The following RNF125 variants were observed in gnomAD, a reference collection of about 807,000 sequenced individuals.
RNF125 encodes the protein ring finger protein 125, also known as E3 ubiquitin-protein ligase RNF125.
RNF125 carries 21 observed loss-of-function variants against 26.0 expected under a neutral mutation model. That is an observed-to-expected ratio of 0.81 (90% CI 0.57 to 1.16). The LOEUF (loss-of-function observed/expected upper bound fraction) is 1.16. RNF125 is among the 50% of genes most tolerant of loss of function. The probability of loss-of-function intolerance (pLI) is 0.00; values close to 1 mark genes in which losing one functional copy is unlikely to be tolerated. For synonymous variants in RNF125, 95 were observed against 109.2 expected (o/e 0.87, Z 0.81); for missense variants, 270 against 299.4 (o/e 0.90, Z 0.72).
At chr18:32,087,328 A>C in the RNF125 span, among the ~76,000 whole-genome samples, 1 of 151,344 alleles carries the variant, frequency 6.6e-6, no homozygotes, top group Non-Finnish European at 1.5e-5. Flanking sequence ...TGCTCCAGCA[A>C]ATTAATGAAA....
At chr18:32,027,366 C>G (rs2039047138) in intron 1 of RNF125, among the ~76,000 whole-genome samples, 1 of 151,818 alleles carries the variant, frequency 6.6e-6, no homozygotes, top group African/African-American at 2.4e-5. Flanking sequence ...AACCTGTATT[C>G]CTTTTGTATC....
intron 4 of RNF125, among the ~76,000 whole-genome samples, chr18:32,050,866 T>G (rs1023224045): frequency 4.7e-5 from 1 of 21,282 alleles, no homozygotes; most frequent in African/African-American, 3.1e-4. Flanking sequence ...TCTAGAGTGC[T>G]TTTTTTTTTT....
chr18:32,026,280 G>C (rs2039035096), intron 1 of RNF125, among the ~76,000 whole-genome samples: 1 of 101,962 alleles, frequency 9.8e-6, no homozygotes, highest in Non-Finnish European at 1.8e-5. Context: ...ATGTAGTCTT[G>C]CTCTGTCGTC....
At chr18:32,033,760 G>A (rs963037243) in intron 1 of RNF125, among the ~76,000 whole-genome samples, 4 of 139,588 alleles carry the variant, frequency 2.9e-5, no homozygotes, top group Admixed American at 2.1e-4. Flanking sequence ...TGGAGGTCGC[G>A]GTGAGTCAAG....
rs1389417184 is a variant in RNF125 at position 32,072,947 on chromosome 18, G to C, written c.*4563G>C. On this transcript the variant is annotated 3_prime_UTR_variant, in exon 6 of 6. Transcript: ENST00000217740. ...ATGTTTAATTTCATTACTGTTACTG[G>C]GTGCCAAGTGTCTTTCATTTGGAAG... is the stretch of plus-strand genomic sequence containing the variant. 1 of 152,058 alleles carries C rather than the reference G, an allele frequency of 6.6e-6. No individual in the cohort carries two copies. Among genetic ancestry groups the C allele is most frequent in the Non-Finnish European group, 1.5e-5 (1 of 68,026 alleles). The allele number at this position is 152,058 out of a possible 1,614,324, so 9.4% of individuals were successfully genotyped here. A position where few individuals can be genotyped will look rare whatever the true frequency, so the allele number is the denominator to read the frequency against.
At chr18:32,088,851 A>T in the RNF125 span, among the ~76,000 whole-genome samples, 2 of 152,094 alleles carry the variant, frequency 1.3e-5, no homozygotes, top group African/African-American at 4.8e-5. Context: ...CAAGGGGAAA[A>T]GTCCATTCCT....
intron 4 of RNF125, among the ~76,000 whole-genome samples, chr18:32,048,819 G>A (rs992063706): frequency 6.6e-6 from 1 of 152,162 alleles, no homozygotes; most frequent in African/African-American, 2.4e-5. Flanking sequence ...GGAGGAACTG[G>A]GCTAGGGAGT....
chr18:32,033,054 G>A (rs1791875206), intron 1 of RNF125, among the ~76,000 whole-genome samples: 1 of 152,142 alleles, frequency 6.6e-6, no homozygotes, highest in South Asian at 2.1e-4. Flanking sequence ...TTGAACCACT[G>A]CTCTTTTGAG....
downstream of RNF125, among the ~76,000 whole-genome samples, chr18:32,073,812 C>G (rs772985614): frequency 2.6e-5 from 4 of 152,188 alleles, no homozygotes; most frequent in African/African-American, 4.8e-5. Context: ...GAACCCAGAT[C>G]AGTTGAGAAG....
At chr18:32,064,275 G>A (rs1476964398) in intron 4 of RNF125, among the ~76,000 whole-genome samples, 2 of 151,964 alleles carry the variant, frequency 1.3e-5, no homozygotes, top group African/African-American at 4.8e-5. Flanking sequence ...ATGAGCCACG[G>A]CGCCCAGGGA....
intron 4 of RNF125, among the ~76,000 whole-genome samples, chr18:32,062,312 TCTC>T (rs2039442565): frequency 6.6e-6 from 1 of 152,170 alleles, no homozygotes; most frequent in Non-Finnish European, 1.5e-5. Context: ...GCAGGTTCCT[TCTC>T]CCACACTACA....
intron 4 of RNF125, among the ~76,000 whole-genome samples, chr18:32,063,329 A>C (rs1012111487): frequency 3.3e-5 from 5 of 152,112 alleles, no homozygotes; most frequent in Non-Finnish European, 7.4e-5. Flanking sequence ...AGAGTTATTT[A>C]TATTAGCCAT....
chr18:32,057,349 T>TTC (rs944234235), intron 4 of RNF125, among the ~76,000 whole-genome samples: 8 of 150,270 alleles, frequency 5.3e-5, no homozygotes, highest in African/African-American at 1.7e-4. Context: ...TTTTTTTTTT[T>TTC]CTGAGACGGA....
chr18:32,054,154 C>T (rs1183353378), intron 4 of RNF125, among the ~76,000 whole-genome samples: 3 of 139,080 alleles, frequency 2.2e-5, no homozygotes, highest in East Asian at 4.3e-4. Context: ...AGCGCAGTGG[C>T]GTGGTCTCGG....
Position 32,068,561 on chromosome 18 carries a change from A to G in RNF125, c.*177A>G, listed in dbSNP as rs1322465238. The G allele has an allele frequency of 3.9e-6, 2 of 510,004 alleles. No individual in the cohort carries two copies. The highest frequency in any genetic ancestry group is 3.9e-5 in the African/African-American group (2 of 51,340). The allele number at this position is 510,004 out of a possible 1,614,324, so 31.6% of individuals were successfully genotyped here. A position where few individuals can be genotyped will look rare whatever the true frequency, so the allele number is the denominator to read the frequency against. Reference sequence around the variant, plus strand: ...AACTGCTTTAATTTTAATGGTTTAAATCTGTTTTACATCCTTGAGATTCTT... The same window carrying G: ...AACTGCTTTAATTTTAATGGTTTAAGTCTGTTTTACATCCTTGAGATTCTT... On this transcript the variant is annotated 3_prime_UTR_variant, in exon 6 of 6. Transcript: ENST00000217740.
At chr18:32,065,292 C>T (rs1433109132) in intron 4 of RNF125, among the ~76,000 whole-genome samples, 2 of 152,140 alleles carry the variant, frequency 1.3e-5, no homozygotes, top group Non-Finnish European at 2.9e-5. Flanking sequence ...GGCTGGTGTG[C>T]AATGGCAAGA....
intron 2 of RNF125, 119 bp from the exon 3 acceptor site, chr18:32,042,060 C>T: frequency 1.0e-5 from 7 of 698,302 alleles, no homozygotes. Flanking sequence ...ACGAATGCAT[C>T]TATTTAGTCA....
intron 2 of RNF125, among the ~76,000 whole-genome samples, chr18:32,037,781 T>A (rs878943832): frequency 6.6e-6 from 1 of 151,994 alleles, no homozygotes; most frequent in Non-Finnish European, 1.5e-5. Context: ...CATCAATCAG[T>A]GCTCTGTAAA....
At chr18:32,028,616 G>A (rs1022173236) in intron 1 of RNF125, among the ~76,000 whole-genome samples, 3 of 144,834 alleles carry the variant, frequency 2.1e-5, no homozygotes, top group Non-Finnish European at 4.5e-5. Context: ...ATGGGGTCTC[G>A]CTCTGTTATT....
Sources: allele counts gnomAD v4.1 joint callset (sites outside exome capture counted in the v4.1 genomes callset), GRCh38; gene constraint gnomAD v4.1.1; transcripts MANE v1.5; gene names NCBI Gene and HGNC (gene_info 2026-07-23, HGNC 2026-07-21).